CSMD1: variants seen among roughly 807,000 people sequenced by gnomAD.
CSMD1 encodes CUB and Sushi multiple domains 1, also known as CUB and sushi domain-containing protein 1.
CSMD1 carries 213 observed loss-of-function variants against 417.5 expected under a neutral mutation model. The ratio of observed to expected loss-of-function variants is 0.51; its 90% CI spans 0.46 to 0.57. CSMD1 has a LOEUF of 0.57. CSMD1 is among the 20% of genes least tolerant of loss of function. The probability of loss-of-function intolerance (pLI) is 0.00; values close to 1 mark genes in which losing one functional copy is unlikely to be tolerated. For missense variants in CSMD1, 6,923 were observed against 4,529.7 expected, an observed-to-expected ratio of 1.53 and a Z score of -15.17; for synonymous variants, 2,862 against 1,736.8, an observed-to-expected ratio of 1.65 and a Z score of -16.11.
chr8:4,904,900 A>C (rs1480343103), intron 1 of CSMD1, among the ~76,000 whole-genome samples: 1 of 152,192 alleles, frequency 6.6e-6, no homozygotes, highest in Non-Finnish European at 1.5e-5. Flanking sequence ...AATGAAAAAG[A>C]GCCTGCAAGC....
chr8:4,954,890 C>A (rs960360496), intron 1 of CSMD1, among the ~76,000 whole-genome samples: 6 of 152,196 alleles, frequency 3.9e-5, no homozygotes, highest in African/African-American at 1.4e-4. Context: ...ATTCAGAGTA[C>A]TTTGTTTCAA....
intron 3 of CSMD1, among the ~76,000 whole-genome samples, chr8:4,292,113 C>T (rs966411568): frequency 6.6e-6 from 1 of 152,124 alleles, no homozygotes; most frequent in Non-Finnish European, 1.5e-5. Flanking sequence ...ACAATGAAGA[C>T]CCTGGCCATA....
At position 4,949,815 on chromosome 8, in the gene CSMD1, C is replaced by A. The variant is rs112231403; in HGVS notation, c.85+44517G>T. Among the ~76,000 whole-genome samples, 504 of 152,176 alleles carry A rather than the reference C, an allele frequency of 3.3e-3. 2 individuals carry two copies. Among genetic ancestry groups the A allele is most frequent in the Non-Finnish European group, 5.2e-3 (356 of 67,996 alleles). On this transcript the variant is annotated intron_variant, in intron 1 of 69. Transcript: ENST00000635120. ...AACATGTACTCGAAGCAATATTGAGCATATCTGAAGGACAGGATATATATA... is the reference window on the plus strand; with the variant it reads ...AACATGTACTCGAAGCAATATTGAGAATATCTGAAGGACAGGATATATATA...
chr8:4,380,251 AG>A (rs1803016345), intron 3 of CSMD1, among the ~76,000 whole-genome samples: 1 of 152,188 alleles, frequency 6.6e-6, no homozygotes, highest in African/African-American at 2.4e-5. Flanking sequence ...GCAGTGGACA[AG>A]CCTGACAAAC....
At chr8:4,944,366 G>A (rs77637640) in intron 1 of CSMD1, among the ~76,000 whole-genome samples, 2,325 of 152,232 alleles carry the variant, frequency 0.015, 50 homozygotes, top group African/African-American at 0.052. Context: ...AATTATAAGG[G>A]CCAGCAAAAA....
intron 2 of CSMD1, among the ~76,000 whole-genome samples, chr8:4,422,000 A>G (rs1390786424): frequency 6.6e-6 from 1 of 152,082 alleles, no homozygotes; most frequent in African/African-American, 2.4e-5. Flanking sequence ...CATAAAGATA[A>G]TAAAAGTTAC....
intron 23 of CSMD1, among the ~76,000 whole-genome samples, chr8:3,309,576 C>A (rs574642057): frequency 7.0e-6 from 1 of 142,404 alleles, no homozygotes; most frequent in Non-Finnish European, 1.5e-5. Flanking sequence ...GACAGTCTTA[C>A]AGTAACATAT....
At chr8:3,252,714 CT>C (rs754906222) in intron 26 of CSMD1, among the ~76,000 whole-genome samples, 6 of 152,124 alleles carry the variant, frequency 3.9e-5, no homozygotes, top group Non-Finnish European at 5.9e-5. Context: ...GGTTGGTAAG[CT>C]ATTAATTATT....
At chr8:4,072,421 T>C (rs954944500) in intron 3 of CSMD1, among the ~76,000 whole-genome samples, 1 of 152,168 alleles carries the variant, frequency 6.6e-6, no homozygotes, top group African/African-American at 2.4e-5. Context: ...TACACCATTA[T>C]ATTATTTCAA....
At chr8:4,678,857 G>A (rs1233856111) in intron 1 of CSMD1, among the ~76,000 whole-genome samples, 2 of 152,178 alleles carry the variant, frequency 1.3e-5, no homozygotes, top group African/African-American at 4.8e-5. Flanking sequence ...TCACTGCCCA[G>A]TAACTGAAAT....
chr8:3,372,650 C>A (rs2116723773), intron 18 of CSMD1, among the ~76,000 whole-genome samples: 1 of 152,164 alleles, frequency 6.6e-6, no homozygotes, highest in South Asian at 2.1e-4. Flanking sequence ...GAAATAACTA[C>A]AGGTGAAGGA....
chr8:3,408,023 A>G lies in CSMD1; in HGVS notation c.1947T>C (p.Thr649=). ...AVKDDGISDI[T]VLGTFSGNEV... ...CATTGCCAGAAAAAGTACCCAGGAC[A>G]GTTATGTCAGAAATGCCATCATCCT... The change falls in exon 14 of 70, where the codon ACT becomes ACC. Residue 649 remains threonine (T), a synonymous_variant. Coordinates refer to ENST00000635120, the MANE Select transcript of CSMD1 (RefSeq NM_033225.6). 6.2e-7 allele frequency: 1 copy of G among 1,613,998 alleles called. No individual in the cohort carries two copies. The highest frequency in any genetic ancestry group is 8.5e-7 in the Non-Finnish European group (1 of 1,179,888).
At chr8:3,541,157 A>G (rs916214251) in intron 10 of CSMD1, among the ~76,000 whole-genome samples, 1 of 152,256 alleles carries the variant, frequency 6.6e-6, no homozygotes, top group Admixed American at 6.5e-5. Context: ...AGACTGGATA[A>G]AGAAAATGTG....
chr8:3,917,404 G>C (rs1045579855), intron 5 of CSMD1, among the ~76,000 whole-genome samples: 13 of 131,046 alleles, frequency 9.9e-5, no homozygotes, highest in Admixed American at 4.0e-4. Context: ...TTTGGGTTTG[G>C]TTATACCACG....
In CSMD1 at chr8:3,492,718, G is replaced by T. The variant is rs116639779; in HGVS notation, c.1448+905C>A. On this transcript the variant is annotated intron_variant, in intron 11 of 69. Transcript: ENST00000635120. ...GGCTGCAGAACAGTCTGTGATCCTG[G>T]TGAAAACTGAGAAGTGGGATCAGTC... 9.8e-3 allele frequency among the ~76,000 whole-genome samples: 1,495 copies of T among 152,248 alleles called. 27 individuals carry two copies. Among genetic ancestry groups the T allele is most frequent in the African/African-American group, 0.034 (1,427 of 41,552 alleles).
intron 5 of CSMD1, among the ~76,000 whole-genome samples, chr8:3,831,131 C>A (rs756876249): frequency 1.3e-5 from 2 of 152,158 alleles, no homozygotes; most frequent in African/African-American, 4.8e-5. Context: ...CAATATTTCA[C>A]AAATGCTTTC....
intron 1 of CSMD1, among the ~76,000 whole-genome samples, chr8:4,953,702 CAT>C (rs1808896961): frequency 6.6e-6 from 1 of 152,148 alleles, no homozygotes; most frequent in Non-Finnish European, 1.5e-5. Flanking sequence ...GCTATTTTTA[CAT>C]GTTGCTAAAT....
chr8:4,033,253 A>C (rs1307003335), intron 3 of CSMD1, among the ~76,000 whole-genome samples: 1 of 151,876 alleles, frequency 6.6e-6, no homozygotes, highest in African/African-American at 2.4e-5. Flanking sequence ...ATCCTGGCTA[A>C]CACGGTGAAA....
chr8:3,875,988 C>G (rs10216801), intron 5 of CSMD1, among the ~76,000 whole-genome samples: 30,895 of 152,102 alleles, frequency 0.2, 3,379 homozygotes, highest in African/African-American at 0.29. Flanking sequence ...GGCCACATGT[C>G]TTACATTTCT....
Sources: gnomAD v4.1 joint callset for allele counts (sites outside exome capture counted in the v4.1 genomes callset) on GRCh38, gnomAD v4.1.1 for gene constraint, MANE v1.5 for transcripts, NCBI Gene and HGNC (gene_info 2026-07-23, HGNC 2026-07-21) for gene names.